Variants in CACNA2D1 observed in about 807,000 individuals in gnomAD.
CACNA2D1 encodes voltage-dependent calcium channel subunit alpha-2/delta-1.
Under a neutral mutation model 171.5 loss-of-function variants are expected in CACNA2D1, and 53 were observed. The ratio of observed to expected loss-of-function variants is 0.31; its 90% CI spans 0.25 to 0.39. The LOEUF (loss-of-function observed/expected upper bound fraction) is 0.39. Among genes scored for constraint, CACNA2D1 ranks in the 10% least tolerant of loss-of-function variants. The pLI is 1.00. For synonymous variants in CACNA2D1, 442 were observed against 443.1 expected (o/e 1.00, Z 0.03); for missense variants, 903 against 1,299.8 (o/e 0.69, Z 4.69).
chr7:82,180,318 G>A (rs569092827), intron 3 of CACNA2D1, among the ~76,000 whole-genome samples: 1 of 152,240 alleles, frequency 6.6e-6, no homozygotes, highest in African/African-American at 2.4e-5. Context: ...ACATACCATT[G>A]CATACACCAT....
chr7:82,071,428 C>G (rs57864977), intron 7 of CACNA2D1, among the ~76,000 whole-genome samples: 4 of 152,066 alleles, frequency 2.6e-5, no homozygotes, highest in African/African-American at 9.7e-5. Flanking sequence ...AGTTACCCAG[C>G]AGACATGACC....
intron 1 of CACNA2D1, among the ~76,000 whole-genome samples, chr7:82,393,257 T>C (rs1825397447): frequency 6.6e-6 from 1 of 152,130 alleles, no homozygotes; most frequent in African/African-American, 2.4e-5. Flanking sequence ...AGGAGTTTAA[T>C]GAAGTAACAG....
chr7:81,980,904 G>C (rs1312775465), intron 24 of CACNA2D1, among the ~76,000 whole-genome samples: 1 of 152,130 alleles, frequency 6.6e-6, no homozygotes, highest in Non-Finnish European at 1.5e-5. Flanking sequence ...AGGCAACATA[G>C]GTAGAACTTT....
At chr7:82,336,165 G>T (rs1297268415) in intron 2 of CACNA2D1, among the ~76,000 whole-genome samples, 1 of 152,164 alleles carries the variant, frequency 6.6e-6, no homozygotes, top group Non-Finnish European at 1.5e-5. Context: ...TGTCTTATGA[G>T]AAGTGAATCC....
intron 7 of CACNA2D1, among the ~76,000 whole-genome samples, chr7:82,067,177 T>C (rs1444084735): frequency 6.6e-6 from 1 of 152,184 alleles, no homozygotes; most frequent in East Asian, 1.9e-4. Context: ...ATGCAATTAA[T>C]TTAAATCTAT....
At chr7:82,245,517 T>C (rs549839633) in intron 3 of CACNA2D1, among the ~76,000 whole-genome samples, 1 of 152,264 alleles carries the variant, frequency 6.6e-6, no homozygotes, top group South Asian at 2.1e-4. Flanking sequence ...CAGCATATGA[T>C]AAAATTGGTG....
chr7:81,957,526 C>A (rs751364212), intron 38 of CACNA2D1, among the ~76,000 whole-genome samples: 1 of 152,042 alleles, frequency 6.6e-6, no homozygotes, highest in Non-Finnish European at 1.5e-5. Flanking sequence ...ACAGGCACGA[C>A]TCGTTGTGCA....
chr7:82,380,006 T>C (rs1585727214), intron 1 of CACNA2D1, among the ~76,000 whole-genome samples: 1 of 152,284 alleles, frequency 6.6e-6, no homozygotes, highest in East Asian at 1.9e-4. Context: ...TAAAATAAAT[T>C]AGTGCCTTGC....
At chr7:82,410,146 G>A (rs968123514) in intron 1 of CACNA2D1, among the ~76,000 whole-genome samples, 6 of 152,274 alleles carry the variant, frequency 3.9e-5, no homozygotes, top group Non-Finnish European at 4.4e-5. Context: ...CTTTTCTCCT[G>A]AGTAGCATGC....
At chr7:82,321,908 C>T (rs549438430) in intron 3 of CACNA2D1, among the ~76,000 whole-genome samples, 5 of 151,644 alleles carry the variant, frequency 3.3e-5, no homozygotes, top group South Asian at 2.1e-4. Flanking sequence ...GGGCGGATCA[C>T]GAGGTCAGGA....
intron 1 of CACNA2D1, among the ~76,000 whole-genome samples, chr7:82,430,644 C>A (rs1391680125): frequency 6.6e-6 from 1 of 152,104 alleles, no homozygotes; most frequent in Non-Finnish European, 1.5e-5. Context: ...ATTTATATTG[C>A]AAAGTGAAGG....
chr7:82,321,894 A>G (rs983321784), intron 3 of CACNA2D1, among the ~76,000 whole-genome samples: 1 of 151,886 alleles, frequency 6.6e-6, no homozygotes, highest in Non-Finnish European at 1.5e-5. Flanking sequence ...TGGGAGGCCG[A>G]GGCGGGCGGA....
chr7:82,256,498 T>C (rs1806324849), intron 3 of CACNA2D1, among the ~76,000 whole-genome samples: 1 of 152,148 alleles, frequency 6.6e-6, no homozygotes, highest in South Asian at 2.1e-4. Context: ...CATAGAGAAA[T>C]ACTGGTTATG....
At chr7:82,040,659 A>G (rs1333494002) in intron 10 of CACNA2D1, among the ~76,000 whole-genome samples, 1 of 152,098 alleles carries the variant, frequency 6.6e-6, no homozygotes, top group Non-Finnish European at 1.5e-5. Context: ...CTGTGTGGAG[A>G]CAGGGAAGAT....
chr7:82,094,939 C>T (rs745778996), intron 6 of CACNA2D1, among the ~76,000 whole-genome samples: 9 of 152,056 alleles, frequency 5.9e-5, no homozygotes, highest in Non-Finnish European at 1.2e-4. Flanking sequence ...ATCCATTCCT[C>T]CTACTGCTGC....
At chr7:82,073,979 C>T (rs1808653739) in intron 7 of CACNA2D1, among the ~76,000 whole-genome samples, 1 of 151,848 alleles carries the variant, frequency 6.6e-6, no homozygotes, top group African/African-American at 2.4e-5. Context: ...GAGACACGAA[C>T]ACAAAAAGGC....
rs770632057 is a variant in CACNA2D1 at position 82,428,083 on chromosome 7, G to A, written c.95+15282C>T. Among the ~76,000 whole-genome samples, 254 of 149,080 alleles carry A rather than the reference G, an allele frequency of 1.7e-3. 1 individual carries two copies. The highest frequency in any genetic ancestry group is 2.6e-3 in the Non-Finnish European group (177 of 67,584). On this transcript the variant is annotated intron_variant, in intron 1 of 38. Coordinates refer to ENST00000356860, the MANE Select transcript of CACNA2D1 (RefSeq NM_000722.4). The stretch of plus-strand genomic sequence containing the variant: ...GGCATGGACAACAGAGCAAGATCTT[G>A]TCTTTAAAAAAATAAAAAATAAATA...
chr7:82,059,181 G>A (rs3801769), intron 10 of CACNA2D1, among the ~76,000 whole-genome samples: 2 of 151,938 alleles, frequency 1.3e-5, no homozygotes, highest in East Asian at 1.9e-4. Context: ...CAAATTCCTC[G>A]TCTTCACATC....
chr7:82,139,744 C>T (rs1792121423), intron 4 of CACNA2D1, among the ~76,000 whole-genome samples: 3 of 151,062 alleles, frequency 2.0e-5, no homozygotes, highest in Admixed American at 6.6e-5. Flanking sequence ...CCATACTCAT[C>T]CATACTCCTT....
Sources: gnomAD v4.1 joint callset for allele counts (sites outside exome capture counted in the v4.1 genomes callset) on GRCh38, gnomAD v4.1.1 for gene constraint, MANE v1.5 for transcripts, NCBI Gene and HGNC (gene_info 2026-07-23, HGNC 2026-07-21) for gene names.